Variants in PARL observed in about 807,000 individuals in gnomAD.
The protein encoded by PARL is presenilin associated rhomboid like, also known as presenilin-associated rhomboid-like protein, mitochondrial.
In PARL, 44 loss-of-function variants were observed where a neutral mutation model predicts 51.6. The observed-to-expected ratio is 0.85, with a 90% CI of 0.67 to 1.10. PARL has a LOEUF of 1.10. Ranked by LOEUF, PARL falls within the 50% of genes least tolerant of loss-of-function variation. PARL has a pLI of 0.00. For missense variants in PARL, 441 were observed against 469.5 expected (o/e 0.94, Z 0.56); for synonymous variants, 172 against 164.0 (o/e 1.05, Z -0.37).
intron 7 of PARL, among the ~76,000 whole-genome samples, chr3:183,834,689 T>A (rs1278097466): frequency 6.6e-6 from 1 of 152,036 alleles, no homozygotes; most frequent in Non-Finnish European, 1.5e-5. Flanking sequence ...TACCAAACTT[T>A]AAATATGTGC....
intron 7 of PARL, among the ~76,000 whole-genome samples, chr3:183,836,642 G>C (rs994659364): frequency 2.6e-5 from 4 of 152,048 alleles, no homozygotes; most frequent in Non-Finnish European, 1.5e-5. Flanking sequence ...AAGAGGTGTG[G>C]GTCCATGGGA....
At chr3:183,882,555 G>A (rs956930653) in intron 1 of PARL, among the ~76,000 whole-genome samples, 1 of 151,828 alleles carries the variant, frequency 6.6e-6, no homozygotes, top group Non-Finnish European at 1.5e-5. Context: ...TCATATAACT[G>A]GCAAATTAAA....
At chr3:183,851,038 A>G (rs1481229232) in intron 4 of PARL, among the ~76,000 whole-genome samples, 1 of 152,208 alleles carries the variant, frequency 6.6e-6, no homozygotes, top group Non-Finnish European at 1.5e-5. Context: ...TTCCAAAACA[A>G]TTCACTAGGG....
chr3:183,852,030 C>G (rs1219191990), intron 4 of PARL, among the ~76,000 whole-genome samples: 1 of 151,958 alleles, frequency 6.6e-6, no homozygotes, highest in East Asian at 1.9e-4. Flanking sequence ...TGTGGTGGCG[C>G]GTGCCTATGG....
intron 4 of PARL, 47 bp downstream of exon 4, chr3:183,862,706 T>G: frequency 1.3e-6 from 2 of 1,507,954 alleles, no homozygotes; most frequent in South Asian, 2.2e-5. Context: ...CCTTTTGGTT[T>G]GATTTCTCTT....
At chr3:183,855,967 C>CAAAAAAAAAA (rs199686416) in intron 4 of PARL, among the ~76,000 whole-genome samples, 24 of 124,206 alleles carry the variant, frequency 1.9e-4, no homozygotes, top group Middle Eastern at 4.4e-3. Flanking sequence ...AAAAAATAAA[C>CAAAAAAAAAA]AAACAAAAAA....
chr3:183,826,842 T>C (rs1727450075), downstream of PARL: 3 of 904,350 alleles, frequency 3.3e-6, no homozygotes, highest in African/African-American at 1.8e-5. Flanking sequence ...AAATTCTCCA[T>C]CTCGCAGGAA....
At chr3:183,875,484 T>G (rs896024817) in intron 1 of PARL, among the ~76,000 whole-genome samples, 1 of 147,228 alleles carries the variant, frequency 6.8e-6, no homozygotes, top group African/African-American at 2.5e-5. Flanking sequence ...TGGAAAAAAT[T>G]ACATGAATAG....
intron 1 of PARL, among the ~76,000 whole-genome samples, chr3:183,871,364 G>A (rs1328118105): frequency 6.6e-6 from 1 of 152,100 alleles, no homozygotes; most frequent in Non-Finnish European, 1.5e-5. Flanking sequence ...ATAGGCAACT[G>A]GGAGATAAGA....
Position 183,867,867 on chromosome 3 carries a change from C to G in PARL, c.319G>C (p.Gly107Arg). 6.2e-7 allele frequency: 1 copy of G among 1,608,834 alleles called. No homozygotes were observed. Among genetic ancestry groups the G allele is most frequent in the South Asian group, 1.1e-5 (1 of 90,934 alleles). The change falls in exon 2 of 10, where the codon GGG becomes CGG. Residue 107 changes from glycine to arginine, a missense_variant and splice_region_variant. Gly to Arg is a moderately radical substitution (Grantham distance 125, BLOSUM62 -2). Transcript: ENST00000317096. ...CTCCTAGCAAAGTGAGCTCTTACCC[C>G]AACAGTAAAAAATAAAGGTTTTATG... ...SLIKPLFFTV[G>R]FTGCAFGSAA...
In PARL at chr3:183,884,877, C is replaced by G; in HGVS notation, c.-31G>C. Reference sequence around the variant, plus strand: ...CAACCTCTGCCCCACCATGGCCCGACCTTACCAACCCCAGCTGCGCAACTA... The same window carrying G: ...CAACCTCTGCCCCACCATGGCCCGAGCTTACCAACCCCAGCTGCGCAACTA... On this transcript the variant is annotated 5_prime_UTR_variant, in exon 1 of 10. Transcript: ENST00000317096. The G allele has an allele frequency of 2.5e-6, 4 of 1,595,776 alleles. No individual in the cohort carries two copies. The highest frequency in any genetic ancestry group is 3.4e-6 in the Non-Finnish European group (4 of 1,179,142).
At chr3:183,835,180 C>A (rs1265983388) in intron 7 of PARL, among the ~76,000 whole-genome samples, 1 of 147,120 alleles carries the variant, frequency 6.8e-6, no homozygotes, top group Non-Finnish European at 1.5e-5. Flanking sequence ...AAAAAAGACA[C>A]CTAAGAGCAA....
chr3:183,866,784 A>G lies in PARL; in HGVS notation c.322-19T>C. Reference sequence around the variant, plus strand: ...CTGTAAACTATATAAAATTAGATATATTACAAAATAGATTTAAGAGGGAAA... The same window carrying G: ...CTGTAAACTATATAAAATTAGATATGTTACAAAATAGATTTAAGAGGGAAA... On this transcript the variant is annotated intron_variant, in intron 2 of 9. Coordinates refer to ENST00000317096, the MANE Select transcript of PARL (RefSeq NM_018622.7). 7 of 1,525,572 alleles carry G rather than the reference A, an allele frequency of 4.6e-6. No individual in the cohort carries two copies. Among genetic ancestry groups the G allele is most frequent in the Non-Finnish European group, 6.3e-6 (7 of 1,102,848 alleles). 94.5% of individuals were successfully genotyped at this position (1,525,572 alleles called of 1,614,324 possible). A position where few individuals can be genotyped will look rare whatever the true frequency, so the allele number is the denominator to read the frequency against.
chr3:183,852,851 A>G (rs938009045), intron 4 of PARL, among the ~76,000 whole-genome samples: 1 of 152,260 alleles, frequency 6.6e-6, no homozygotes, highest in Non-Finnish European at 1.5e-5. Context: ...GAAGGAGTGG[A>G]AAATGGTGTA....
At chr3:183,866,028 C>T (rs1272259849) in intron 3 of PARL, among the ~76,000 whole-genome samples, 1 of 152,014 alleles carries the variant, frequency 6.6e-6, no homozygotes, top group African/African-American at 2.4e-5. Flanking sequence ...CACAGGCATG[C>T]ACCACCACGC....
chr3:183,873,994 C>T (rs1284442937), intron 1 of PARL, among the ~76,000 whole-genome samples: 2 of 152,140 alleles, frequency 1.3e-5, no homozygotes, highest in Non-Finnish European at 2.9e-5. Flanking sequence ...CACAGATATC[C>T]CAAGTTTGTT....
chr3:183,864,693 G>A (rs1013360059), intron 3 of PARL, among the ~76,000 whole-genome samples: 1 of 151,652 alleles, frequency 6.6e-6, no homozygotes, highest in Admixed American at 6.6e-5. Flanking sequence ...GGAGAATGGC[G>A]TGAACCCGGG....
chr3:183,832,749 T>C (rs262999), intron 9 of PARL, among the ~76,000 whole-genome samples: 114,554 of 152,020 alleles, frequency 0.75, 43,527 homozygotes, highest in East Asian at 0.96. Flanking sequence ...ACCCCATTGT[T>C]TGAAGCACAC....
chr3:183,841,731 C>T (rs957879802), intron 6 of PARL, among the ~76,000 whole-genome samples: 1 of 152,128 alleles, frequency 6.6e-6, no homozygotes, highest in African/African-American at 2.4e-5. Flanking sequence ...TGAGAATTTC[C>T]TAACTGAAAT....
Sources: allele counts gnomAD v4.1 joint callset (sites outside exome capture counted in the v4.1 genomes callset), GRCh38; gene constraint gnomAD v4.1.1; transcripts MANE v1.5; gene names NCBI Gene and HGNC (gene_info 2026-07-23, HGNC 2026-07-21).